TRIM31: variants seen among roughly 807,000 people sequenced by gnomAD.
TRIM31 encodes tripartite motif containing 31, also known as E3 ubiquitin-protein ligase TRIM31.
TRIM31 carries 31 observed loss-of-function variants against 40.6 expected under a neutral mutation model. The observed-to-expected ratio is 0.76, with a 90% CI of 0.57 to 1.03. TRIM31 has a LOEUF of 1.03. Among genes scored for constraint, TRIM31 ranks in the 50% least tolerant of loss-of-function variants. The pLI, the probability that TRIM31 is intolerant of heterozygous loss-of-function variation, is 0.00. For missense variants in TRIM31, 455 were observed against 497.5 expected (o/e 0.91, Z 0.81); for synonymous variants, 164 against 193.9 (o/e 0.85, Z 1.28).
At chr6:30,107,912 A>T in intron 6 of TRIM31, 141 bp downstream of exon 6, 1 of 630,938 alleles carries the variant, frequency 1.6e-6, no homozygotes, top group Non-Finnish European at 2.8e-6. Context: ...TGATGCGTGG[A>T]AAGTACTCAG....
chr6:30,107,849 T>G, intron 6 of TRIM31: 1 of 549,694 alleles, frequency 1.8e-6, no homozygotes, highest in Non-Finnish European at 3.3e-6. Flanking sequence ...GGGAGGCAGA[T>G]AAATAACATA....
chr6:30,107,870 A>G, intron 6 of TRIM31, 183 bp downstream of exon 6: 1 of 587,072 alleles, frequency 1.7e-6, no homozygotes, highest in Non-Finnish European at 3.0e-6. Flanking sequence ...TCACAAAGAC[A>G]GAATATAAGA....
At chr6:30,110,307 T>C in intron 4 of TRIM31, 141 bp downstream of exon 4, 1 of 678,728 alleles carries the variant, frequency 1.5e-6, no homozygotes, top group Non-Finnish European at 2.5e-6. Context: ...TACATGCGGC[T>C]CACATATTGC....
At chr6:30,111,467 C>T in intron 3 of TRIM31, 181 bp downstream of exon 3, 1 of 602,680 alleles carries the variant, frequency 1.7e-6, no homozygotes, top group Non-Finnish European at 2.9e-6. Context: ...AGCAGTCAGC[C>T]CGCTGTAATA....
chr6:30,104,192 A>T lies in TRIM31; in HGVS notation c.959-25T>A, dbSNP rs745366382. On this transcript the variant is annotated intron_variant, in intron 7 of 8. Coordinates refer to ENST00000376734, the MANE Select transcript of TRIM31 (RefSeq NM_007028.5). Reference sequence around the variant, plus strand: ...CCTAAAAATTGGGGAGAGAAAACCTATTTGGTCTTGATAACCAGAAGCTGC... The same window carrying T: ...CCTAAAAATTGGGGAGAGAAAACCTTTTTGGTCTTGATAACCAGAAGCTGC... The T allele has an allele frequency of 1.9e-6, 3 of 1,611,326 alleles. No individual in the cohort carries two copies. In the African/African-American group the frequency reaches 4.0e-5, roughly 22 times the overall value.
At chr6:30,104,897 T>A (rs73728144) in intron 7 of TRIM31, among the ~76,000 whole-genome samples, 51 of 152,268 alleles carry the variant, frequency 3.3e-4, no homozygotes, top group African/African-American at 1.2e-3. Context: ...GCCTCCTTCT[T>A]GTCCCACTTT....
intron 5 of TRIM31, chr6:30,108,774 G>A (rs962878730): frequency 1.7e-6 from 1 of 594,444 alleles, no homozygotes; most frequent in African/African-American, 1.9e-5. Context: ...GAGCAAGGGG[G>A]CATTCAGGAA....
intron 3 of TRIM31, 116 bp from the exon 4 acceptor site, chr6:30,110,794 G>A: frequency 1.0e-6 from 1 of 962,990 alleles, no homozygotes; most frequent in Admixed American, 2.4e-5. Flanking sequence ...AGAGCAATGT[G>A]CCAGGGCAGA....
intron 5 of TRIM31, chr6:30,108,612 G>A: frequency 3.8e-6 from 1 of 264,748 alleles, no homozygotes; most frequent in Non-Finnish European, 7.1e-6. Context: ...GGGATAGTGA[G>A]CTGGGAGTCA....
Position 30,107,829 on chromosome 6 carries a change from G to A in TRIM31, c.883+224C>T, listed in dbSNP as rs985494481. ...TAGGTCCAGGCCCTCTATGGCTCTC[G>A]CAGGAGTCAGGGAGGCAGATAAATA... On this transcript the variant is annotated intron_variant, in intron 6 of 8. Transcript: ENST00000376734. 17 of 495,204 alleles carry A rather than the reference G, an allele frequency of 3.4e-5. 1 individual carries two copies. Among genetic ancestry groups the A allele is most frequent in the Admixed American group, 2.3e-4 (7 of 30,024 alleles). 30.7% of individuals were successfully genotyped at this position (495,204 alleles called of 1,614,324 possible).
chr6:30,105,035 C>T lies in TRIM31; in HGVS notation c.958+133G>A, dbSNP rs184244385. ...TTTAAAATAATAAAACAACCATATG[C>T]CTGTTCTCTCAATTGGCTGAGGAAT... is the stretch of plus-strand genomic sequence containing the variant. On this transcript the variant is annotated intron_variant, in intron 7 of 8. Coordinates refer to ENST00000376734, the MANE Select transcript of TRIM31 (RefSeq NM_007028.5). 2.7e-4 allele frequency: 210 copies of T among 765,468 alleles called. 1 individual carries two copies. Among genetic ancestry groups the T allele is most frequent in the Non-Finnish European group, 4.4e-5 (20 of 455,284 alleles). The allele number at this position is 765,468 out of a possible 1,614,324, so 47.4% of individuals were successfully genotyped here. A position where few individuals can be genotyped will look rare whatever the true frequency, so the allele number is the denominator to read the frequency against.
chr6:30,105,148 A>G lies in TRIM31; in HGVS notation c.958+20T>C. ...CTTTCCCCAAATGGCAGAAGCAACC[A>G]ACCATCATTTCTCACTTACAGCTCT... On this transcript the variant is annotated intron_variant, in intron 7 of 8. Coordinates refer to ENST00000376734, the MANE Select transcript of TRIM31 (RefSeq NM_007028.5). The G allele has an allele frequency of 1.2e-6, 2 of 1,608,120 alleles. No individual in the cohort carries two copies. The highest frequency in any genetic ancestry group is 1.7e-6 in the Non-Finnish European group (2 of 1,176,864).
In TRIM31 at chr6:30,111,644, T is replaced by C. The variant is rs781451457; in HGVS notation, c.513+4A>G. On this transcript the variant is annotated splice_donor_region_variant and intron_variant, in intron 3 of 8. Transcript: ENST00000376734. The stretch of plus-strand genomic sequence containing the variant: ...CAGAGATCGTGGGATGGAGTTTTTC[T>C]TACCGTGAAGACATCGACCCTGTGT... The C allele has an allele frequency of 6.2e-7, 1 of 1,613,856 alleles. No homozygotes were observed. Among genetic ancestry groups the C allele is most frequent in the Admixed American group, 1.7e-5 (1 of 59,968 alleles).
At chr6:30,105,788 T>C (rs1278257264) in intron 6 of TRIM31, 1 of 152,348 alleles carries the variant, frequency 6.6e-6, no homozygotes, top group Non-Finnish European at 1.5e-5. Context: ...CCTTTCTCAC[T>C]GCCTGACAAA....
rs1002050978 is a variant in TRIM31, at chr6:30,103,292, G to T, written c.*244C>A. On this transcript the variant is annotated 3_prime_UTR_variant, in exon 9 of 9. Transcript: ENST00000376734. ...GTGATAAGAAGTCAAGCGTGGGGCGGGTGGCTGGAGATTGTCTCTTCCCCT... is the reference window on the plus strand; with the variant it reads ...GTGATAAGAAGTCAAGCGTGGGGCGTGTGGCTGGAGATTGTCTCTTCCCCT... 6.4e-6 allele frequency: 4 copies of T among 626,884 alleles called. No individual in the cohort carries two copies. Among genetic ancestry groups the T allele is most frequent in the East Asian group, 2.8e-5 (1 of 36,266 alleles). 38.8% of individuals were successfully genotyped at this position (626,884 alleles called of 1,614,324 possible). A position where few individuals can be genotyped will look rare whatever the true frequency, so the allele number is the denominator to read the frequency against.
chr6:30,103,488 C>T lies in TRIM31; in HGVS notation c.*48G>A, dbSNP rs1768381248. The T allele has an allele frequency of 1.2e-6, 2 of 1,606,762 alleles. No individual in the cohort carries two copies. Among genetic ancestry groups the T allele is most frequent in the Non-Finnish European group, 1.7e-6 (2 of 1,176,842 alleles). Reference sequence around the variant, plus strand: ...GCCACTCACTCAGCGCCACTCTATGCTCCGAAGTCCGTGTAGCACCACCGC... The same window carrying T: ...GCCACTCACTCAGCGCCACTCTATGTTCCGAAGTCCGTGTAGCACCACCGC... On this transcript the variant is annotated 3_prime_UTR_variant, in exon 9 of 9. Coordinates refer to ENST00000376734, the MANE Select transcript of TRIM31 (RefSeq NM_007028.5).
intron 6 of TRIM31, among the ~76,000 whole-genome samples, chr6:30,107,333 T>C (rs934075740): frequency 6.6e-5 from 7 of 106,070 alleles, no homozygotes; most frequent in Non-Finnish European, 1.7e-5. Flanking sequence ...TTTTCCGTAG[T>C]CCCAAGGGGA....
In TRIM31 at chr6:30,103,849, C is replaced by T. The variant is rs114629987; in HGVS notation, c.1025-60G>A. The T allele has an allele frequency of 7.8e-3, 12,520 of 1,605,166 alleles. 101 individuals carry two copies. The highest frequency in any genetic ancestry group is 0.024 in the Middle Eastern group (115 of 4,740). On this transcript the variant is annotated intron_variant, in intron 8 of 8. Coordinates refer to ENST00000376734, the MANE Select transcript of TRIM31 (RefSeq NM_007028.5). ...CGGGAGCACCTCGGCAGCAATCCTCCATTGCCAGACAGCACAGCTGAGCTC... is the reference window on the plus strand; with the variant it reads ...CGGGAGCACCTCGGCAGCAATCCTCTATTGCCAGACAGCACAGCTGAGCTC...
intron 6 of TRIM31, among the ~76,000 whole-genome samples, chr6:30,106,544 C>A (rs1479825996): frequency 6.6e-6 from 1 of 151,872 alleles, no homozygotes; most frequent in African/African-American, 2.4e-5. Context: ...TTTAATAGGG[C>A]CAGGTGGCCA....
Sources: gnomAD v4.1 joint callset for allele counts (sites outside exome capture counted in the v4.1 genomes callset) on GRCh38, gnomAD v4.1.1 for gene constraint, MANE v1.5 for transcripts, NCBI Gene and HGNC (gene_info 2026-07-23, HGNC 2026-07-21) for gene names.